Variants in MTUS1 observed in about 807,000 individuals in gnomAD.
The protein encoded by MTUS1 is microtubule associated scaffold protein 1.
A neutral mutation model predicts 120.8 loss-of-function variants in MTUS1; 109 were observed. The ratio of observed to expected loss-of-function variants is 0.90; its 90% confidence interval spans 0.77 to 1.06. The LOEUF (loss-of-function observed/expected upper bound fraction) is 1.06. MTUS1 is among the 50% of genes least tolerant of loss of function. The pLI is 0.00. For missense variants in MTUS1, 2,210 were observed against 1,486.3 expected (o/e 1.49, Z -8.01); for synonymous variants, 737 against 550.5 (o/e 1.34, Z -4.74).
rs372141258 is a variant in MTUS1 at position 17,754,465 on chromosome 8, G to A, written c.1343C>T (p.Thr448Met). The A allele has an allele frequency of 2.7e-5, 43 of 1,614,010 alleles. No individual in the cohort carries two copies. Among genetic ancestry groups the A allele is most frequent in the Middle Eastern group, 1.6e-4 (1 of 6,062 alleles). ...VTFSVSPIEA[T>M]EKCKKVEKGN... ...CTTCTCCACTTTCTTACATTTCTCC[G>A]TCGCTTCAATCGGTGAAACAGAAAA... The change falls in exon 2 of 15, where the codon ACG (threonine) becomes ATG (methionine). Residue 448 changes from threonine (T) to methionine (M), a missense_variant. Transcript: ENST00000693296.
intron 6 of MTUS1, among the ~76,000 whole-genome samples, chr8:17,687,492 A>G (rs1448561328): frequency 6.6e-6 from 1 of 152,226 alleles, no homozygotes; most frequent in Non-Finnish European, 1.5e-5. Context: ...CTTGCTTATT[A>G]GCATGTTACT....
intron 4 of MTUS1, among the ~76,000 whole-genome samples, chr8:17,720,604 G>A (rs528284063): frequency 6.6e-6 from 1 of 152,188 alleles, no homozygotes; most frequent in Non-Finnish European, 1.5e-5. Flanking sequence ...GGAAGAGGAA[G>A]TAATGTCTTT....
intron 8 of MTUS1, among the ~76,000 whole-genome samples, chr8:17,656,468 T>C (rs1024810237): frequency 4.7e-5 from 7 of 150,216 alleles, no homozygotes; most frequent in Non-Finnish European, 8.9e-5. Flanking sequence ...GCGGAGGTTG[T>C]AGTGAGCCAA....
intron 4 of MTUS1, chr8:17,721,717 T>G (rs2045857709): frequency 6.4e-7 from 1 of 1,555,880 alleles, no homozygotes; most frequent in African/African-American, 1.4e-5. Flanking sequence ...CCTACTTTTT[T>G]TCCCAGTAAA....
At chr8:17,685,969 G>C (rs1815706384) in intron 6 of MTUS1, among the ~76,000 whole-genome samples, 1 of 152,194 alleles carries the variant, frequency 6.6e-6, no homozygotes, top group Non-Finnish European at 1.5e-5. Flanking sequence ...CAAATTATTA[G>C]TTACATACTA....
intron 8 of MTUS1, among the ~76,000 whole-genome samples, chr8:17,662,599 C>G (rs1809996227): frequency 6.6e-6 from 1 of 151,850 alleles, no homozygotes; most frequent in African/African-American, 2.4e-5. Context: ...CATGATCCGC[C>G]CACCTCAGCA....
At chr8:17,785,201 CCTCCAAAG>C in intron 1 of MTUS1, among the ~76,000 whole-genome samples, 1 of 19,752 alleles carries the variant, frequency 5.1e-5, no homozygotes, top group East Asian at 1.1e-3. Context: ...CTTCAAAGAG[CCTCCAAAG>C]AGCCTCCAGT....
At chr8:17,748,873 A>G (rs17634232) in intron 2 of MTUS1, among the ~76,000 whole-genome samples, 361 of 152,338 alleles carry the variant, frequency 2.4e-3, no homozygotes, top group African/African-American at 8.2e-3. Context: ...TGTATAATAC[A>G]TAGTATGCAC....
rs550569881 is a variant in MTUS1 at position 17,778,926 on chromosome 8, A to G, written c.-155+22135T>C. Among the ~76,000 whole-genome samples, 39 of 152,362 alleles carry G rather than the reference A, an allele frequency of 2.6e-4. 1 individual carries two copies. Among genetic ancestry groups the G allele is most frequent in the African/African-American group, 9.1e-4 (38 of 41,584 alleles). On this transcript the variant is annotated intron_variant, in intron 1 of 14. Transcript: ENST00000693296. ...ATTGGATGACATTCATCATTCATCA[A>G]ATGTACTGAGTGCCCATCTAATGCC... is the stretch of plus-strand genomic sequence containing the variant.
intron 4 of MTUS1, chr8:17,721,905 A>G: frequency 6.2e-7 from 1 of 1,612,796 alleles, no homozygotes; most frequent in Non-Finnish European, 8.5e-7. Flanking sequence ...CAGTCATTTA[A>G]AAGGATCAAA....
In MTUS1 at chr8:17,767,700, T is replaced by TAAGAAAAAAAAAAAAAAAAAAAAAAAAA. The variant is rs1554533204; in HGVS notation, c.-154-11740_-154-11739insTTTTTTTTTTTTTTTTTTTTTTTTTCTT. On this transcript the variant is annotated intron_variant, in intron 1 of 14. Transcript: ENST00000693296. ...GGTGATAGAGCAAGACCCTGTCTCT[T>TAAGAAAAAAAAAAAAAAAAAAAAAAAAA]AAAAAAAAAAAAAAAAAACGGTGTG... Among the ~76,000 whole-genome samples the TAAGAAAAAAAAAAAAAAAAAAAAAAAAA allele has an allele frequency of 9.1e-5, 8 of 87,872 alleles. 1 individual carries two copies. The highest frequency in any genetic ancestry group is 3.6e-4 in the African/African-American group (7 of 19,662). 57.6% of individuals were successfully genotyped at this position (87,872 alleles called of 152,430 possible).
intron 1 of MTUS1, among the ~76,000 whole-genome samples, chr8:17,765,248 C>G (rs568094520): frequency 6.6e-6 from 1 of 152,172 alleles, no homozygotes; most frequent in African/African-American, 2.4e-5. Context: ...TTTGCCCCCT[C>G]GCCTGAAGCC....
Position 17,713,218 on chromosome 8 carries a change from A to C in MTUS1, c.2619T>G (p.Asn873Lys), listed in dbSNP as rs547129212. ...PSRKNLFTAL[N>K]AVEKSRQKNP... is the part of the protein sequence containing the mutation. Reference sequence around the variant, plus strand: ...ATCCATAAAGTGGTCACTCACCTGCATTAAGAGCTGTAAATAAATTTTTTC... The same window carrying C: ...ATCCATAAAGTGGTCACTCACCTGCCTTAAGAGCTGTAAATAAATTTTTTC... Residue 873 changes from asparagine (N) to lysine (K), a missense_variant, in exon 6 of 15, where the codon AAT (asparagine) becomes AAG (lysine). Asn to Lys is a moderately conservative substitution (Grantham distance 94). Transcript: ENST00000693296. 6.3e-7 allele frequency: 1 copy of C among 1,598,562 alleles called. No individual in the cohort carries two copies. The highest frequency in any genetic ancestry group is 8.6e-7 in the Non-Finnish European group (1 of 1,168,020).
At chr8:17,764,458 T>C (rs1447249386) in intron 1 of MTUS1, among the ~76,000 whole-genome samples, 1 of 151,506 alleles carries the variant, frequency 6.6e-6, no homozygotes, top group Non-Finnish European at 1.5e-5. Context: ...AGAAAACCCA[T>C]TAAACAATAG....
intron 1 of MTUS1, among the ~76,000 whole-genome samples, chr8:17,796,497 T>G (rs2052254132): frequency 6.6e-6 from 1 of 152,200 alleles, no homozygotes; most frequent in Non-Finnish European, 1.5e-5. Flanking sequence ...AAACCCACCC[T>G]TTCTTCCTTG....
At chr8:17,695,573 G>A (rs966548585) in intron 6 of MTUS1, among the ~76,000 whole-genome samples, 20 of 152,272 alleles carry the variant, frequency 1.3e-4, no homozygotes, top group East Asian at 3.9e-4. Context: ...GCCTTGTGTC[G>A]TTTGCTTACG....
At chr8:17,760,241 A>C (rs185040621) in intron 1 of MTUS1, among the ~76,000 whole-genome samples, 1 of 152,226 alleles carries the variant, frequency 6.6e-6, no homozygotes, top group African/African-American at 2.4e-5. Flanking sequence ...AAAATAAAAC[A>C]AATTTCAAAT....
chr8:17,719,333 C>T (rs189151087), intron 4 of MTUS1, among the ~76,000 whole-genome samples: 1 of 152,324 alleles, frequency 6.6e-6, no homozygotes, highest in Non-Finnish European at 1.5e-5. Flanking sequence ...ATCAGTTTAA[C>T]ACTCCCCACT....
intron 6 of MTUS1, among the ~76,000 whole-genome samples, chr8:17,712,080 T>C (rs766746409): frequency 2.8e-4 from 43 of 152,164 alleles, no homozygotes; most frequent in Non-Finnish European, 5.4e-4. Flanking sequence ...CTTGAAATAG[T>C]GTGAGAATTA....
Sources: allele counts gnomAD v4.1 joint callset (sites outside exome capture counted in the v4.1 genomes callset), GRCh38; gene constraint gnomAD v4.1.1; transcripts MANE v1.5; gene names NCBI Gene and HGNC (gene_info 2026-07-23, HGNC 2026-07-21).